The following SCNN1G variants were observed in gnomAD, a reference collection of about 807,000 sequenced individuals.
SCNN1G encodes epithelial sodium channel subunit gamma.
In SCNN1G, 27 loss-of-function variants were observed where a neutral mutation model predicts 64.6. The observed-to-expected ratio is 0.42, with a 90% CI of 0.31 to 0.58. SCNN1G has a LOEUF of 0.58. Ranked by LOEUF, SCNN1G falls within the 20% of genes least tolerant of loss-of-function variation. The pLI is 0.18. For missense variants in SCNN1G, 743 were observed against 823.4 expected, an observed-to-expected ratio of 0.90 and a Z score of 1.19; for synonymous variants, 330 against 314.2, an observed-to-expected ratio of 1.05 and a Z score of -0.53.
intron 6 of SCNN1G, among the ~76,000 whole-genome samples, chr16:23,201,055 C>T (rs1016760538): frequency 2.0e-5 from 3 of 152,208 alleles, no homozygotes; most frequent in Non-Finnish European, 2.9e-5. Context: ...AAAACTATCT[C>T]GAACCCTCAA....
chr16:23,185,983 CACGGCTAGG>C lies in SCNN1G; in HGVS notation c.-44-244_-44-236del, dbSNP rs201153561. Among the ~76,000 whole-genome samples, 1,675 of 152,322 alleles carry C rather than the reference CACGGCTAGG, an allele frequency of 0.011. 27 individuals carry two copies. The highest frequency in any genetic ancestry group is 0.035 in the African/African-American group (1,458 of 41,558). Reference sequence around the variant, plus strand: ...CAGGTTGCACCTCACCCAGCCCCCGCACGGCTAGGCCTGGGGGCCGTAAGAGAAGTAGGC... The same window carrying C: ...CAGGTTGCACCTCACCCAGCCCCCGCCCTGGGGGCCGTAAGAGAAGTAGGC... On this transcript the variant is annotated intron_variant, in intron 1 of 12. Transcript: ENST00000300061.
chr16:23,184,919 T>G (rs1219704323), intron 1 of SCNN1G, among the ~76,000 whole-genome samples: 2 of 152,172 alleles, frequency 1.3e-5, no homozygotes, highest in East Asian at 3.8e-4. Context: ...ACAGTTTTCA[T>G]ATATCCCCCA....
intron 1 of SCNN1G, among the ~76,000 whole-genome samples, chr16:23,183,975 G>A (rs1959563882): frequency 6.6e-6 from 1 of 152,148 alleles, no homozygotes; most frequent in South Asian, 2.1e-4. Flanking sequence ...ACCTACCTCA[G>A]ACGATTATCG....
At chr16:23,213,192 C>G (rs1391425004) in intron 11 of SCNN1G, 29 bp downstream of exon 11, 3 of 1,541,450 alleles carry the variant, frequency 1.9e-6, no homozygotes, top group Non-Finnish European at 2.7e-6. Flanking sequence ...GTTCCTCTGT[C>G]TCTTCCCACC....
At chr16:23,211,816 C>G (rs576488017) in intron 7 of SCNN1G, among the ~76,000 whole-genome samples, 1 of 152,148 alleles carries the variant, frequency 6.6e-6, no homozygotes, top group South Asian at 2.1e-4. Context: ...TCTCAAAAAA[C>G]ATAAAAAATA....
intron 6 of SCNN1G, among the ~76,000 whole-genome samples, chr16:23,204,678 T>A (rs1463183959): frequency 6.6e-6 from 1 of 151,988 alleles, no homozygotes; most frequent in Admixed American, 6.6e-5. Context: ...TGCAAAATAG[T>A]GAATGTTTAC....
At chr16:23,190,786 G>T (rs1396953629) in intron 3 of SCNN1G, among the ~76,000 whole-genome samples, 2 of 150,944 alleles carry the variant, frequency 1.3e-5, no homozygotes, top group Non-Finnish European at 2.9e-5. Context: ...CCTTCATGAG[G>T]TGCTTGGCTT....
intron 2 of SCNN1G, 87 bp from the exon 3 acceptor site, chr16:23,189,284 G>A (rs927314186): frequency 5.9e-6 from 8 of 1,350,152 alleles, no homozygotes; most frequent in Non-Finnish European, 8.4e-6. Context: ...AGGCTGACAC[G>A]TGTTGATGGA....
chr16:23,197,666 G>A (rs551706600), intron 6 of SCNN1G, among the ~76,000 whole-genome samples: 2 of 152,234 alleles, frequency 1.3e-5, no homozygotes, highest in South Asian at 4.1e-4. Flanking sequence ...ACCGAGGTGA[G>A]GTCAAGAGTT....
intron 5 of SCNN1G, 93 bp from the exon 6 acceptor site, chr16:23,197,171 G>A (rs975242375): frequency 2.9e-6 from 3 of 1,037,704 alleles, no homozygotes; most frequent in Non-Finnish European, 4.5e-6. Context: ...CCTGGTCTTG[G>A]GTTTGAAGCT....
At chr16:23,206,324 C>T (rs1326188213) in intron 6 of SCNN1G, among the ~76,000 whole-genome samples, 2 of 152,174 alleles carry the variant, frequency 1.3e-5, no homozygotes, top group African/African-American at 2.4e-5. Flanking sequence ...CTCAAGGTTG[C>T]AAGAAGGTGG....
intron 6 of SCNN1G, among the ~76,000 whole-genome samples, chr16:23,203,320 A>C (rs894913144): frequency 1.3e-5 from 2 of 152,140 alleles, no homozygotes; most frequent in Non-Finnish European, 2.9e-5. Flanking sequence ...AAAATGAAGA[A>C]GTGGACGTGG....
chr16:23,214,831 A>C, intron 12 of SCNN1G, 44 bp downstream of exon 12: 1 of 1,484,172 alleles, frequency 6.7e-7, no homozygotes, highest in Non-Finnish European at 9.4e-7. Context: ...TGGGCCTACA[A>C]ATGTGAGCAT....
chr16:23,212,217 G>C, intron 8 of SCNN1G, 66 bp downstream of exon 8: 1 of 1,017,828 alleles, frequency 9.8e-7, no homozygotes, highest in Non-Finnish European at 1.6e-6. Flanking sequence ...CTGGCAATAG[G>C]CACTCCTGGG....
chr16:23,192,329 C>T (rs758219023), intron 3 of SCNN1G, 23 bp from the exon 4 acceptor site: 4 of 1,603,694 alleles, frequency 2.5e-6, no homozygotes, highest in South Asian at 2.2e-5. Flanking sequence ...TGGCTTCAGC[C>T]TCGCATCTCC....
chr16:23,205,681 C>G (rs1348288359), intron 6 of SCNN1G, among the ~76,000 whole-genome samples: 2 of 147,586 alleles, frequency 1.4e-5, no homozygotes, highest in African/African-American at 5.0e-5. Flanking sequence ...GCCTGGGCAA[C>G]AGAGTGAGGC....
At position 23,186,924 on chromosome 16, in the gene SCNN1G, G is replaced by A. The variant is rs191910358; in HGVS notation, c.317+336G>A. Among the ~76,000 whole-genome samples, 89 of 151,868 alleles carry A rather than the reference G, an allele frequency of 5.9e-4. 1 individual carries two copies. The highest frequency in any genetic ancestry group is 1.4e-3 in the African/African-American group (60 of 41,398). ...CCTCCCAGGTTCTAACAATCCTCCC[G>A]AGTAGCTGGGACTACAGGGGTGTAC... On this transcript the variant is annotated intron_variant, in intron 2 of 12. Transcript: ENST00000300061.
chr16:23,215,602 C>T lies in SCNN1G; in HGVS notation c.*133C>T. 8.6e-7 allele frequency: 1 copy of T among 1,160,908 alleles called. No individual in the cohort carries two copies. The highest frequency in any genetic ancestry group is 1.9e-5 in the Admixed American group (1 of 52,250). The allele number at this position is 1,160,908 out of a possible 1,614,324, so 71.9% of individuals were successfully genotyped here. A position where few individuals can be genotyped will look rare whatever the true frequency, so the allele number is the denominator to read the frequency against. On this transcript the variant is annotated 3_prime_UTR_variant, in exon 13 of 13. Transcript: ENST00000300061. Reference sequence around the variant, plus strand: ...CTTTTCAGATACTCTGACCAAAAAGCCTGCTTTAAACCGCAAGATGGGGCC... The same window carrying T: ...CTTTTCAGATACTCTGACCAAAAAGTCTGCTTTAAACCGCAAGATGGGGCC...
chr16:23,191,615 G>A (rs1959710057), intron 3 of SCNN1G, among the ~76,000 whole-genome samples: 2 of 152,136 alleles, frequency 1.3e-5, no homozygotes, highest in African/African-American at 4.8e-5. Context: ...TTATGGAGAT[G>A]GGGTTTAGCC....
Sources: allele counts gnomAD v4.1 joint callset (sites outside exome capture counted in the v4.1 genomes callset), GRCh38; gene constraint gnomAD v4.1.1; transcripts MANE v1.5; gene names NCBI Gene and HGNC (gene_info 2026-07-23, HGNC 2026-07-21).